The following EBF1 variants were observed in gnomAD, a reference collection of about 807,000 sequenced individuals.
EBF1 encodes transcription factor COE1.
A neutral mutation model predicts 68.4 loss-of-function variants in EBF1; 10 were observed. That is an observed-to-expected ratio of 0.15 (90% CI 0.09 to 0.25). The LOEUF (loss-of-function observed/expected upper bound fraction) is 0.25. EBF1 is among the 10% of genes least tolerant of loss of function. The pLI is 1.00. For missense variants in EBF1, 509 were observed against 794.4 expected, an observed-to-expected ratio of 0.64 and a Z score of 4.32; for synonymous variants, 298 against 299.8, an observed-to-expected ratio of 0.99 and a Z score of 0.06.
At chr5:158,800,320 G>A (rs1780355527) in intron 8 of EBF1, among the ~76,000 whole-genome samples, 2 of 152,150 alleles carry the variant, frequency 1.3e-5, no homozygotes, top group Non-Finnish European at 2.9e-5. Flanking sequence ...GCAGTTATAT[G>A]TGAACAAGTA....
intron 15 of EBF1, among the ~76,000 whole-genome samples, chr5:158,700,396 G>A (rs1756473741): frequency 3.3e-5 from 5 of 152,110 alleles, no homozygotes. Flanking sequence ...GGCAGAGAGA[G>A]TCATTGCTTT....
chr5:159,058,095 G>C (rs1213260231), intron 6 of EBF1, among the ~76,000 whole-genome samples: 1 of 152,162 alleles, frequency 6.6e-6, no homozygotes, highest in East Asian at 1.9e-4. Context: ...GCCAGAATTG[G>C]GTGGGAAAAC....
chr5:158,799,506 G>T (rs1050862350), intron 8 of EBF1, among the ~76,000 whole-genome samples: 2 of 152,124 alleles, frequency 1.3e-5, no homozygotes, highest in African/African-American at 4.8e-5. Context: ...CCCCATAAAT[G>T]AAGAACCCCA....
intron 6 of EBF1, among the ~76,000 whole-genome samples, chr5:159,004,191 C>T (rs1583854740): frequency 2.0e-5 from 3 of 151,500 alleles, no homozygotes; most frequent in Admixed American, 2.0e-4. Context: ...GCAGGAGAAT[C>T]ACTTGAACCC....
chr5:158,845,876 C>T (rs1209427272), intron 6 of EBF1, among the ~76,000 whole-genome samples: 2 of 152,186 alleles, frequency 1.3e-5, no homozygotes, highest in African/African-American at 4.8e-5. Flanking sequence ...CATTAGGCAA[C>T]AGCTTGTACA....
At chr5:158,961,532 A>G (rs1349310698) in intron 6 of EBF1, among the ~76,000 whole-genome samples, 1 of 152,202 alleles carries the variant, frequency 6.6e-6, no homozygotes, top group Non-Finnish European at 1.5e-5. Flanking sequence ...CAAGTCACAA[A>G]ACAGCATAAT....
intron 6 of EBF1, among the ~76,000 whole-genome samples, chr5:158,919,129 G>A (rs542985210): frequency 4.2e-4 from 64 of 152,246 alleles, no homozygotes; most frequent in African/African-American, 1.5e-3. Flanking sequence ...GCGAGGATGT[G>A]CAGACACTCT....
chr5:158,844,864 A>G (rs186057041), intron 6 of EBF1, among the ~76,000 whole-genome samples: 1 of 152,324 alleles, frequency 6.6e-6, no homozygotes, highest in African/African-American at 2.4e-5. Context: ...CCCAATACAA[A>G]CATTTGTAGA....
intron 5 of EBF1, among the ~76,000 whole-genome samples, chr5:159,080,363 C>T (rs1338076383): frequency 6.6e-6 from 1 of 152,184 alleles, no homozygotes; most frequent in Non-Finnish European, 1.5e-5. Context: ...TATCTGCCAA[C>T]CAATATCATC....
chr5:158,712,428 C>T, intron 13 of EBF1, 95 bp from the exon 14 acceptor site: 2 of 1,402,598 alleles, frequency 1.4e-6, no homozygotes, highest in East Asian at 2.5e-5. Flanking sequence ...TTTCTGGCCC[C>T]GTCGCCGCAA....
At chr5:159,004,345 C>T (rs930260520) in intron 6 of EBF1, among the ~76,000 whole-genome samples, 1 of 151,546 alleles carries the variant, frequency 6.6e-6, no homozygotes, top group Non-Finnish European at 1.5e-5. Flanking sequence ...CTCACTCTGA[C>T]TATATTAAGT....
intron 6 of EBF1, among the ~76,000 whole-genome samples, chr5:158,880,328 T>C (rs1479062994): frequency 6.6e-6 from 1 of 152,172 alleles, no homozygotes; most frequent in Non-Finnish European, 1.5e-5. Flanking sequence ...GAAAAATGGA[T>C]AAAGATACCA....
chr5:158,871,557 C>CTG (rs1562177041), intron 6 of EBF1, among the ~76,000 whole-genome samples: 6 of 152,146 alleles, frequency 3.9e-5, no homozygotes, highest in African/African-American at 1.4e-4. Context: ...AAATGTTTAA[C>CTG]AAGCAGTCTT....
At chr5:159,029,450 T>C (rs7703959) in intron 6 of EBF1, among the ~76,000 whole-genome samples, 15,035 of 152,178 alleles carry the variant, frequency 0.099, 917 homozygotes, top group African/African-American at 0.19. Flanking sequence ...GCCCTAGGAT[T>C]CTGCAGAGGG....
chr5:158,820,251 A>C (rs1784563514), intron 8 of EBF1, among the ~76,000 whole-genome samples: 1 of 144,944 alleles, frequency 6.9e-6, no homozygotes, highest in African/African-American at 2.6e-5. Context: ...ACCATGCGGT[A>C]GCTGTTTGAA....
intron 6 of EBF1, among the ~76,000 whole-genome samples, chr5:159,002,239 A>C (rs1762687433): frequency 6.6e-6 from 1 of 151,362 alleles, no homozygotes. Flanking sequence ...ATCATTTCTC[A>C]ATTTTCCCCT....
chr5:158,803,039 G>GT (rs931694870), intron 8 of EBF1, among the ~76,000 whole-genome samples: 2 of 151,976 alleles, frequency 1.3e-5, no homozygotes, highest in Non-Finnish European at 2.9e-5. Flanking sequence ...AAAGTAGAAT[G>GT]TTTTTTTAAG....
At position 158,725,464 on chromosome 5, in the gene EBF1, C is replaced by A. The variant is rs188054863; in HGVS notation, c.1125+5605G>T. 3.9e-3 allele frequency among the ~76,000 whole-genome samples: 587 copies of A among 152,352 alleles called. 3 individuals are homozygous for A. The highest frequency in any genetic ancestry group is 0.013 in the African/African-American group (552 of 41,578). ...CAAATAGAACCCTCCTCTCTCTTCC[C>A]CTTTGAGGGCAGTTATAGGCAAGCA... On this transcript the variant is annotated intron_variant, in intron 11 of 15. Coordinates refer to ENST00000313708, the MANE Select transcript of EBF1 (RefSeq NM_024007.5).
intron 6 of EBF1, among the ~76,000 whole-genome samples, chr5:159,007,556 T>C (rs1384531359): frequency 6.6e-6 from 1 of 152,160 alleles, no homozygotes; most frequent in Non-Finnish European, 1.5e-5. Context: ...TTTGGTTCGC[T>C]CTGGTTGGGA....
Sources: gnomAD v4.1 joint callset for allele counts (sites outside exome capture counted in the v4.1 genomes callset) on GRCh38, gnomAD v4.1.1 for gene constraint, MANE v1.5 for transcripts, NCBI Gene and HGNC (gene_info 2026-07-23, HGNC 2026-07-21) for gene names.